The following GRM8 variants were observed in gnomAD, a reference collection of about 807,000 sequenced individuals.
GRM8 encodes glutamate metabotropic receptor 8, also known as metabotropic glutamate receptor 8.
In GRM8, 47 loss-of-function variants were observed where a neutral mutation model predicts 87.2. The observed-to-expected ratio is 0.54, with a 90% CI of 0.43 to 0.69. The LOEUF (loss-of-function observed/expected upper bound fraction) is 0.69. Ranked by LOEUF, GRM8 falls within the 30% of genes least tolerant of loss-of-function variation. The probability of loss-of-function intolerance (pLI) is 0.00; values close to 1 mark genes in which losing one functional copy is unlikely to be tolerated. For synonymous variants in GRM8, 396 were observed against 404.5 expected (o/e 0.98, Z 0.25); for missense variants, 1,019 against 1,139.2 (o/e 0.89, Z 1.52).
At chr7:127,047,724 G>C (rs1232210052) in intron 3 of GRM8, among the ~76,000 whole-genome samples, 6 of 152,128 alleles carry the variant, frequency 3.9e-5, no homozygotes, top group Admixed American at 1.3e-4. Context: ...CCAGCTACTG[G>C]AGCAGCTGAG....
At chr7:126,764,768 AATAC>A (rs1818009157) in intron 7 of GRM8, among the ~76,000 whole-genome samples, 1 of 152,076 alleles carries the variant, frequency 6.6e-6, no homozygotes, top group African/African-American at 2.4e-5. Flanking sequence ...ATTCAACCCC[AATAC>A]AAGGGTTTGC....
At chr7:126,468,844 T>G (rs533681314) in intron 9 of GRM8, among the ~76,000 whole-genome samples, 12 of 152,264 alleles carry the variant, frequency 7.9e-5, no homozygotes, top group Admixed American at 4.6e-4. Context: ...ACTATTAGAT[T>G]GTCCTCTTCA....
chr7:127,014,926 GGAGA>G (rs772874613), intron 3 of GRM8, among the ~76,000 whole-genome samples: 2 of 135,742 alleles, frequency 1.5e-5, no homozygotes, highest in Admixed American at 8.0e-5. Flanking sequence ...GGAAAGAGAA[GGAGA>G]GAGAGAGAGA....
intron 3 of GRM8, among the ~76,000 whole-genome samples, chr7:127,047,689 G>A (rs1819072306): frequency 6.6e-6 from 1 of 152,084 alleles, no homozygotes; most frequent in Non-Finnish European, 1.5e-5. Context: ...CACTTAGCCA[G>A]GCATGGTGAT....
intron 2 of GRM8, 84 bp from the exon 3 acceptor site, chr7:127,106,796 T>C: frequency 1.0e-6 from 1 of 970,812 alleles, no homozygotes. Flanking sequence ...CAGCCAAGGC[T>C]ATACCAGAAA....
At chr7:127,038,605 C>T (rs1818068235) in intron 3 of GRM8, among the ~76,000 whole-genome samples, 1 of 152,040 alleles carries the variant, frequency 6.6e-6, no homozygotes, top group Non-Finnish European at 1.5e-5. Flanking sequence ...TATTTACCTA[C>T]AAGTATATTC....
intron 7 of GRM8, among the ~76,000 whole-genome samples, chr7:126,694,029 G>A (rs907093835): frequency 3.3e-5 from 5 of 151,706 alleles, no homozygotes; most frequent in African/African-American, 1.2e-4. Context: ...AATATTCAAC[G>A]TATTAAACGT....
At chr7:126,475,798 T>C (rs13242782) in intron 9 of GRM8, among the ~76,000 whole-genome samples, 22,475 of 151,972 alleles carry the variant, frequency 0.15, 1,803 homozygotes, top group South Asian at 0.18. Flanking sequence ...ATAAAGAGCT[T>C]AGAAATAAAG....
rs75665654 is a variant in GRM8, at chr7:127,070,768, C to T, written c.727+35728G>A. ...ACTATGATTATCCCCATGTTAAAGACGATGAAACTTGGAAAATAACCCAGG... is the reference window on the plus strand; with the variant it reads ...ACTATGATTATCCCCATGTTAAAGATGATGAAACTTGGAAAATAACCCAGG... On this transcript the variant is annotated intron_variant, in intron 3 of 10. Coordinates refer to ENST00000339582, the MANE Select transcript of GRM8 (RefSeq NM_000845.3). 9.1e-3 allele frequency among the ~76,000 whole-genome samples: 1,387 copies of T among 152,158 alleles called. 19 individuals carry two copies. Among genetic ancestry groups the T allele is most frequent in the African/African-American group, 0.031 (1,282 of 41,514 alleles).
intron 9 of GRM8, among the ~76,000 whole-genome samples, chr7:126,466,171 AC>A (rs58207470): frequency 0.019 from 2,858 of 151,878 alleles, 82 homozygotes; most frequent in African/African-American, 0.065. Context: ...TAAAAAAGGT[AC>A]TTTTTTTTTA....
chr7:126,481,264 T>C (rs1289232530), intron 9 of GRM8, among the ~76,000 whole-genome samples: 3 of 152,074 alleles, frequency 2.0e-5, no homozygotes, highest in Admixed American at 2.0e-4. Flanking sequence ...ATAATTGCTA[T>C]AGACAAGATC....
intron 2 of GRM8, among the ~76,000 whole-genome samples, chr7:127,212,001 G>A (rs1337883859): frequency 6.6e-6 from 1 of 152,110 alleles, no homozygotes; most frequent in African/African-American, 2.4e-5. Flanking sequence ...TGAGTTTCAT[G>A]CTTAGAGTAT....
At chr7:127,023,799 C>T (rs1816503587) in intron 3 of GRM8, among the ~76,000 whole-genome samples, 2 of 152,068 alleles carry the variant, frequency 1.3e-5, no homozygotes. Context: ...TCCATGGAAT[C>T]TTGTTTGCTC....
intron 6 of GRM8, among the ~76,000 whole-genome samples, chr7:126,861,132 A>G (rs773675890): frequency 1.4e-4 from 22 of 152,088 alleles, no homozygotes; most frequent in Non-Finnish European, 2.8e-4. Flanking sequence ...TCCTACCCAG[A>G]CATTATTATA....
chr7:126,719,692 T>C (rs1363607001), intron 7 of GRM8, among the ~76,000 whole-genome samples: 3 of 152,156 alleles, frequency 2.0e-5, no homozygotes, highest in East Asian at 1.9e-4. Context: ...ATCCACTAGT[T>C]TTTAGCAGGG....
chr7:126,913,452 T>G (rs1168606986), intron 3 of GRM8, among the ~76,000 whole-genome samples: 1 of 152,188 alleles, frequency 6.6e-6, no homozygotes, highest in African/African-American at 2.4e-5. Context: ...CATAAGAAAT[T>G]TGCCTAGAAT....
intron 1 of GRM8, among the ~76,000 whole-genome samples, chr7:127,244,204 G>T (rs1193674517): frequency 6.6e-6 from 1 of 152,084 alleles, no homozygotes; most frequent in East Asian, 1.9e-4. Flanking sequence ...CCATTGTCAG[G>T]GTTTCCAATT....
intron 6 of GRM8, among the ~76,000 whole-genome samples, chr7:126,797,689 T>C (rs569685509): frequency 9.2e-5 from 14 of 152,096 alleles, no homozygotes; most frequent in African/African-American, 3.1e-4. Flanking sequence ...TTAAAAACTT[T>C]AGGGGGAGAG....
intron 7 of GRM8, among the ~76,000 whole-genome samples, chr7:126,703,717 A>T (rs534180665): frequency 1.3e-5 from 2 of 152,152 alleles, no homozygotes; most frequent in East Asian, 3.9e-4. Flanking sequence ...GCTCTGCCAT[A>T]CCTGGCTAAT....
Sources: gnomAD v4.1 joint callset for allele counts (sites outside exome capture counted in the v4.1 genomes callset) on GRCh38, gnomAD v4.1.1 for gene constraint, MANE v1.5 for transcripts, NCBI Gene and HGNC (gene_info 2026-07-23, HGNC 2026-07-21) for gene names.